The following OSCP1 variants were observed in gnomAD, a reference collection of about 807,000 sequenced individuals.
OSCP1 encodes protein OSCP1.
In OSCP1, 35 loss-of-function variants were observed where a neutral mutation model predicts 45.1. The observed-to-expected ratio is 0.78, with a 90% CI of 0.59 to 1.03. The LOEUF is 1.03. Among genes scored for constraint, OSCP1 ranks in the 50% least tolerant of loss-of-function variants. The pLI, the probability that OSCP1 is intolerant of heterozygous loss-of-function variation, is 0.00. For missense variants in OSCP1, 400 were observed against 470.7 expected (o/e 0.85, Z 1.39); for synonymous variants, 179 against 180.1 (o/e 0.99, Z 0.05).
chr1:36,444,119 GATCTT>G, intron 1 of OSCP1: 4 of 1,447,094 alleles, frequency 2.8e-6, no homozygotes, highest in Non-Finnish European at 3.9e-6. Context: ...CAATTCCAAT[GATCTT>G]ATCTATGAAA....
chr1:36,421,894 A>T, intron 7 of OSCP1: 1 of 542,236 alleles, frequency 1.8e-6, no homozygotes, highest in South Asian at 2.2e-5. Flanking sequence ...GCTACTGCAT[A>T]TGTCCTGGTG....
At chr1:36,431,923 A>T in intron 3 of OSCP1, 41 bp from the exon 4 acceptor site, 1 of 1,585,720 alleles carries the variant, frequency 6.3e-7, no homozygotes, top group Non-Finnish European at 8.6e-7. Flanking sequence ...ACTTTCCAAG[A>T]GGGATGAGTA....
intron 6 of OSCP1, 67 bp downstream of exon 6, chr1:36,422,700 TC>T: frequency 3.2e-6 from 4 of 1,251,572 alleles, no homozygotes; most frequent in Non-Finnish European, 3.2e-6. Flanking sequence ...TGGCTGTTTC[TC>T]TTTTTTTTTT....
chr1:36,427,070 G>C (rs1470448916), intron 4 of OSCP1, among the ~76,000 whole-genome samples: 1 of 150,330 alleles, frequency 6.7e-6, no homozygotes, highest in Non-Finnish European at 1.5e-5. Flanking sequence ...GCATGATCTC[G>C]GCTTACTGCA....
chr1:36,430,114 C>T (rs1360886482), intron 4 of OSCP1, among the ~76,000 whole-genome samples: 1 of 151,640 alleles, frequency 6.6e-6, no homozygotes, highest in Non-Finnish European at 1.5e-5. Context: ...ATGATCTTGG[C>T]TCTCTGCAGC....
At chr1:36,433,355 G>T (rs1557557549) in intron 2 of OSCP1, among the ~76,000 whole-genome samples, 1 of 152,188 alleles carries the variant, frequency 6.6e-6, no homozygotes, top group African/African-American at 2.4e-5. Flanking sequence ...CCTGGAGGCA[G>T]CAATGAGTAT....
At chr1:36,422,127 A>G (rs1177400041) in intron 7 of OSCP1, 23 bp downstream of exon 7, 2 of 1,603,352 alleles carry the variant, frequency 1.2e-6, no homozygotes, top group Admixed American at 1.7e-5. Flanking sequence ...CTGTGAGGGT[A>G]GGCAAGGAAG....
intron 1 of OSCP1, among the ~76,000 whole-genome samples, chr1:36,440,025 C>T (rs905365267): frequency 1.3e-5 from 2 of 152,224 alleles, no homozygotes; most frequent in Non-Finnish European, 2.9e-5. Flanking sequence ...AGAATATACA[C>T]TTACAGAAAT....
intron 1 of OSCP1, among the ~76,000 whole-genome samples, chr1:36,449,674 T>C (rs762183707): frequency 4.7e-5 from 7 of 150,148 alleles, no homozygotes; most frequent in Non-Finnish European, 1.0e-4. Context: ...CCATCTCTAC[T>C]AAAAATACAA....
intron 7 of OSCP1, among the ~76,000 whole-genome samples, chr1:36,421,562 A>G (rs2282353): frequency 0.6 from 91,678 of 151,974 alleles, 28,251 homozygotes; most frequent in African/African-American, 0.74. Flanking sequence ...TGTTTCTTTC[A>G]CCGTCTTTCC....
chr1:36,438,317 C>CAAAAA (rs35430845), intron 2 of OSCP1, among the ~76,000 whole-genome samples: 7 of 73,782 alleles, frequency 9.5e-5, no homozygotes, highest in South Asian at 5.2e-4. Context: ...AACTCCATCT[C>CAAAAA]AAAAAAAAAA....
At chr1:36,438,662 A>G in intron 2 of OSCP1, 94 bp downstream of exon 2, 2 of 1,419,190 alleles carry the variant, frequency 1.4e-6, no homozygotes, top group African/African-American at 1.4e-5. Context: ...TGCAAGGACC[A>G]TTGCATACAT....
Position 36,450,437 on chromosome 1 carries a change from C to A in OSCP1, c.-68G>T, listed in dbSNP as rs1045704297. 3.9e-6 allele frequency: 5 copies of A among 1,297,778 alleles called. No individual in the cohort carries two copies. The highest frequency in any genetic ancestry group is 2.9e-5 in the African/African-American group (2 of 68,324). The allele number at this position is 1,297,778 out of a possible 1,614,324, so 80.4% of individuals were successfully genotyped here. A position where few individuals can be genotyped will look rare whatever the true frequency, so the allele number is the denominator to read the frequency against. Reference sequence around the variant, plus strand: ...GGTAGCCAGTGGCCTGAAGGCCAGGCCGCAGCGTCCCAATAGTCCGGTTGC... The same window carrying A: ...GGTAGCCAGTGGCCTGAAGGCCAGGACGCAGCGTCCCAATAGTCCGGTTGC... On this transcript the variant is annotated 5_prime_UTR_variant, in exon 1 of 10. Coordinates refer to ENST00000235532, the MANE Select transcript of OSCP1 (RefSeq NM_145047.5).
At chr1:36,429,403 G>C (rs1273483781) in intron 4 of OSCP1, among the ~76,000 whole-genome samples, 3 of 149,860 alleles carry the variant, frequency 2.0e-5, no homozygotes, top group Non-Finnish European at 3.0e-5. Flanking sequence ...AAAAAAAAGA[G>C]AAACATGTCT....
chr1:36,426,576 C>T (rs1647976484), intron 4 of OSCP1, among the ~76,000 whole-genome samples: 1 of 152,198 alleles, frequency 6.6e-6, no homozygotes, highest in Non-Finnish European at 1.5e-5. Flanking sequence ...CTTCCTCAAC[C>T]CTTCAGTTGC....
intron 1 of OSCP1, among the ~76,000 whole-genome samples, chr1:36,445,897 G>A (rs568413184): frequency 6.6e-6 from 1 of 151,564 alleles, no homozygotes; most frequent in South Asian, 2.1e-4. Flanking sequence ...ATTTTTAGTA[G>A]AGACGGGGTT....
Position 36,438,835 on chromosome 1 carries a change from G to C in OSCP1, c.188C>G (p.Ser63Cys), listed in dbSNP as rs186694883. The C allele has an allele frequency of 1.7e-5, 27 of 1,614,194 alleles. No homozygotes were observed. Among genetic ancestry groups the C allele is most frequent in the Non-Finnish European group, 2.2e-5 (26 of 1,180,024 alleles). The change falls in exon 2 of 10, where the codon TCC (serine) becomes TGC (cysteine). Residue 63 changes from serine to cysteine, a missense_variant. Transcript: ENST00000235532. ...ATAGACAGTCCTCAGGGCCTTCTTG[G>C]AGTAGAGCTCTTGAGGCTTGAATAA... Reference protein sequence around the residue: ...EELFKPQELYSKKALRTVYER... With the variant: ...EELFKPQELYCKKALRTVYER...
intron 4 of OSCP1, among the ~76,000 whole-genome samples, chr1:36,424,560 T>G (rs1379177980): frequency 1.3e-5 from 2 of 152,194 alleles, no homozygotes; most frequent in African/African-American, 2.4e-5. Flanking sequence ...TTCAAACTCC[T>G]GTGATTCTGA....
intron 2 of OSCP1, 130 bp downstream of exon 2, chr1:36,438,626 A>G (rs535355666): frequency 9.3e-7 from 1 of 1,072,168 alleles, no homozygotes; most frequent in South Asian, 2.0e-5. Flanking sequence ...CTCAACAACT[A>G]CTAGTATTTA....
Sources: gnomAD v4.1 joint callset for allele counts (sites outside exome capture counted in the v4.1 genomes callset) on GRCh38, gnomAD v4.1.1 for gene constraint, MANE v1.5 for transcripts, NCBI Gene and HGNC (gene_info 2026-07-23, HGNC 2026-07-21) for gene names.